LNP1: variants seen among roughly 807,000 people sequenced by gnomAD.
LNP1 encodes the protein leukemia NUP98 fusion partner 1.
A neutral mutation model predicts 14.5 loss-of-function variants in LNP1; 12 were observed. That is an observed-to-expected ratio of 0.83 (90% CI 0.53 to 1.34). The LOEUF (loss-of-function observed/expected upper bound fraction) is 1.34. Ranked by LOEUF, LNP1 falls within the 40% of genes most tolerant of loss-of-function variation. The probability of loss-of-function intolerance (pLI) is 0.00; values close to 1 mark genes in which losing one functional copy is unlikely to be tolerated. For synonymous variants in LNP1, 75 were observed against 71.4 expected (o/e 1.05, Z -0.26); for missense variants, 198 against 210.9 (o/e 0.94, Z 0.38).
intron 2 of LNP1, among the ~76,000 whole-genome samples, chr3:100,450,737 A>G (rs1383995199): frequency 4.6e-5 from 7 of 152,222 alleles, no homozygotes; most frequent in Non-Finnish European, 1.0e-4. Flanking sequence ...CCTAAGAAGC[A>G]GGAAAACAAA....
intron 2 of LNP1, among the ~76,000 whole-genome samples, chr3:100,446,926 G>A (rs1707393809): frequency 6.6e-6 from 1 of 152,154 alleles, no homozygotes; most frequent in African/African-American, 2.4e-5. Flanking sequence ...AGTTAGAACG[G>A]CAATCATTAA....
intron 2 of LNP1, among the ~76,000 whole-genome samples, chr3:100,431,356 A>G (rs1346482950): frequency 6.6e-6 from 1 of 152,242 alleles, no homozygotes; most frequent in Non-Finnish European, 1.5e-5. Flanking sequence ...TATTATGTAT[A>G]ACATTTGTAA....
chr3:100,407,090 G>A (rs558185602), intron 1 of LNP1, among the ~76,000 whole-genome samples: 6 of 152,242 alleles, frequency 3.9e-5, no homozygotes, highest in East Asian at 1.9e-4. Flanking sequence ...CTAAAGATAC[G>A]TGATTTACAC....
chr3:100,419,964 T>G (rs1383829746), intron 1 of LNP1, among the ~76,000 whole-genome samples: 2 of 152,236 alleles, frequency 1.3e-5, no homozygotes, highest in Admixed American at 6.5e-5. Context: ...TTTTTCAAAG[T>G]GGCTGTACCT....
intron 2 of LNP1, among the ~76,000 whole-genome samples, chr3:100,446,425 C>T (rs1707387008): frequency 6.6e-6 from 1 of 152,246 alleles, no homozygotes; most frequent in South Asian, 2.1e-4. Flanking sequence ...GGATCCCTTC[C>T]TGACACCTTA....
At chr3:100,417,208 C>G (rs1707092848) in intron 1 of LNP1, among the ~76,000 whole-genome samples, 1 of 151,954 alleles carries the variant, frequency 6.6e-6, no homozygotes, top group Non-Finnish European at 1.5e-5. Flanking sequence ...CTCATGCTGT[C>G]TATTACCTCC....
chr3:100,425,478 G>C (rs900140490), intron 1 of LNP1, among the ~76,000 whole-genome samples: 4 of 152,140 alleles, frequency 2.6e-5, no homozygotes, highest in Admixed American at 2.6e-4. Flanking sequence ...CCAGCATCCT[G>C]GAAAGGGATC....
At chr3:100,433,853 A>G (rs1251359895) in intron 2 of LNP1, among the ~76,000 whole-genome samples, 2 of 152,186 alleles carry the variant, frequency 1.3e-5, no homozygotes, top group Non-Finnish European at 2.9e-5. Flanking sequence ...TTTTGGCCGC[A>G]TAAATGTCTT....
At chr3:100,418,260 G>A (rs1366301981) in intron 1 of LNP1, among the ~76,000 whole-genome samples, 5 of 148,846 alleles carry the variant, frequency 3.4e-5, no homozygotes, top group African/African-American at 7.4e-5. Flanking sequence ...AGCCAACGAT[G>A]TTGGCCAGGC....
intron 1 of LNP1, among the ~76,000 whole-genome samples, chr3:100,411,589 T>C (rs1707032414): frequency 3.3e-5 from 5 of 152,220 alleles, no homozygotes. Context: ...TTATCATGCT[T>C]CTGGAGGCTG....
Position 100,451,836 on chromosome 3 carries a change from G to T in LNP1, c.274G>T (p.Gly92Trp), listed in dbSNP as rs1453750573. 2.5e-6 allele frequency: 4 copies of T among 1,613,328 alleles called. No individual in the cohort carries two copies. In the Admixed American group the frequency reaches 6.7e-5, roughly 27 times the overall value. Residue 92 changes from glycine to tryptophan, a missense_variant, in exon 3 of 4, where the codon GGG becomes TGG. Physicochemically the swap from Gly to Trp is radical, Grantham distance 184 (BLOSUM62 -2). Coordinates refer to ENST00000383693, the MANE Select transcript of LNP1 (RefSeq NM_001085451.2). ...VRDYRKYSED[G>W]SFKEPLESKG... ...GGATTACAGAAAATACTCAGAGGAT[G>T]GGTCATTCAAGGAGCCACTGGAATC...
At chr3:100,414,213 G>T (rs746603268) in intron 1 of LNP1, among the ~76,000 whole-genome samples, 1 of 152,126 alleles carries the variant, frequency 6.6e-6, no homozygotes, top group Admixed American at 6.5e-5. Context: ...TTCAGCTGCT[G>T]AATGGGTTGG....
intron 1 of LNP1, among the ~76,000 whole-genome samples, chr3:100,426,170 C>G (rs1466568911): frequency 2.0e-5 from 3 of 152,190 alleles, no homozygotes; most frequent in Non-Finnish European, 4.4e-5. Context: ...TATCAAAGAG[C>G]AAGCCCTTTC....
chr3:100,442,639 C>T (rs1365323931), intron 2 of LNP1, among the ~76,000 whole-genome samples: 1 of 152,176 alleles, frequency 6.6e-6, no homozygotes, highest in African/African-American at 2.4e-5. Flanking sequence ...ATGCATTTAT[C>T]TCAGTGAGCA....
intron 1 of LNP1, among the ~76,000 whole-genome samples, chr3:100,421,890 C>G (rs1369030970): frequency 1.3e-5 from 2 of 152,148 alleles, no homozygotes; most frequent in Non-Finnish European, 2.9e-5. Flanking sequence ...TTTTTTAACT[C>G]AAACTTTAGT....
chr3:100,426,283 A>G (rs1707192235), intron 1 of LNP1, among the ~76,000 whole-genome samples: 1 of 152,188 alleles, frequency 6.6e-6, no homozygotes, highest in South Asian at 2.1e-4. Flanking sequence ...AGGCTGAATT[A>G]TGTTCCTTGA....
chr3:100,453,933 T>C (rs1170270660), intron 3 of LNP1, among the ~76,000 whole-genome samples: 1 of 152,218 alleles, frequency 6.6e-6, no homozygotes, highest in Non-Finnish European at 1.5e-5. Context: ...TGAAATCATG[T>C]GTTGCTACCG....
At chr3:100,407,875 G>C (rs1242739348) in intron 1 of LNP1, among the ~76,000 whole-genome samples, 1 of 151,760 alleles carries the variant, frequency 6.6e-6, no homozygotes, top group African/African-American at 2.4e-5. Context: ...TCCTGCTCTT[G>C]ATGCTCTCTA....
intron 2 of LNP1, among the ~76,000 whole-genome samples, chr3:100,435,564 CT>C (rs1486015200): frequency 2.0e-5 from 3 of 152,108 alleles, no homozygotes; most frequent in African/African-American, 7.2e-5. Context: ...GAAGAGGGGA[CT>C]TTATTTCTTG....
Sources: allele counts gnomAD v4.1 joint callset (sites outside exome capture counted in the v4.1 genomes callset), GRCh38; gene constraint gnomAD v4.1.1; transcripts MANE v1.5; gene names NCBI Gene and HGNC (gene_info 2026-07-23, HGNC 2026-07-21).